The following PPP2R2C variants were observed in gnomAD, a reference collection of about 807,000 sequenced individuals.
PPP2R2C encodes the protein protein phosphatase 2, regulatory subunit B, gamma.
PPP2R2C carries 10 observed loss-of-function variants against 45.3 expected under a neutral mutation model. That is an observed-to-expected ratio of 0.22 (90% CI 0.14 to 0.37). The LOEUF (loss-of-function observed/expected upper bound fraction) is 0.37. Ranked by LOEUF, PPP2R2C falls within the 10% of genes least tolerant of loss-of-function variation. The pLI, the probability that PPP2R2C is intolerant of heterozygous loss-of-function variation, is 1.00. For synonymous variants in PPP2R2C, 257 were observed against 245.4 expected (o/e 1.05, Z -0.44); for missense variants, 308 against 619.7 (o/e 0.50, Z 5.34).
chr4:6,329,230 G>A lies in PPP2R2C; in HGVS notation c.1052+32C>T, dbSNP rs531753174. 345 of 1,593,216 alleles carry A rather than the reference G, an allele frequency of 2.2e-4. 4 individuals carry two copies. In the South Asian group the frequency reaches 3.5e-3, roughly 16 times the overall value. The stretch of plus-strand genomic sequence containing the variant: ...GCAGGGCAGAAACCCTCCCTACGGT[G>A]AGGTGAGGTGCGGGCTGAGGTCAGG... On this transcript the variant is annotated intron_variant, in intron 8 of 8. Coordinates refer to ENST00000382599, the MANE Select transcript of PPP2R2C (RefSeq NM_020416.4). The surrounding 1 kb of genome is among the most constrained non-coding windows in gnomAD (Gnocchi z 5.8).
chr4:6,407,262 T>A (rs2109360496), intron 1 of PPP2R2C, among the ~76,000 whole-genome samples: 1 of 152,320 alleles, frequency 6.6e-6, no homozygotes, highest in Non-Finnish European at 1.5e-5. Flanking sequence ...CCACATGGCC[T>A]TACAAGTGTG....
At chr4:6,508,642 G>A (rs1248168067) in intron 2 of PPP2R2C, among the ~76,000 whole-genome samples, 1 of 151,950 alleles carries the variant, frequency 6.6e-6, no homozygotes, top group African/African-American at 2.4e-5. Context: ...ATGACCAGCA[G>A]CTTCCTGACA....
rs1376620452 is a variant in PPP2R2C, at chr4:6,368,458, TA to T, written c.625+4064del. Among the ~76,000 whole-genome samples the T allele has an allele frequency of 6.6e-6, 1 of 152,164 alleles. No homozygotes were observed. The highest frequency in any genetic ancestry group is 1.5e-5 in the Non-Finnish European group (1 of 68,024). The stretch of plus-strand genomic sequence containing the variant: ...ATCACCCAAGAGGGCTGGCACACAG[TA>T]GGTGCTTAATAAATACCTGCTGGTA... On this transcript the variant is annotated intron_variant, in intron 5 of 8. Coordinates refer to ENST00000382599, the MANE Select transcript of PPP2R2C (RefSeq NM_020416.4). The surrounding 1 kb of genome is among the most constrained non-coding windows in gnomAD (Gnocchi z 4.2).
At chr4:6,342,125 CACAT>C (rs1225800735) in intron 6 of PPP2R2C, among the ~76,000 whole-genome samples, 83 of 115,004 alleles carry the variant, frequency 7.2e-4, no homozygotes, top group Middle Eastern at 4.4e-3. Context: ...CACACACACA[CACAT>C]ACATATATAT....
At chr4:6,530,904 C>T (rs1266828520) in intron 2 of PPP2R2C, among the ~76,000 whole-genome samples, 6 of 152,206 alleles carry the variant, frequency 3.9e-5, no homozygotes, top group East Asian at 1.9e-4. Context: ...GCACCTGTCA[C>T]AGTGAGGCCC....
chr4:6,529,365 G>T (rs1320005341), intron 2 of PPP2R2C, among the ~76,000 whole-genome samples: 1 of 152,228 alleles, frequency 6.6e-6, no homozygotes, highest in Non-Finnish European at 1.5e-5. Flanking sequence ...CACCTGAGCC[G>T]CCCACCTAAG....
Position 6,329,206 on chromosome 4 carries a change from C to A in PPP2R2C, c.1052+56G>T. On this transcript the variant is annotated intron_variant, in intron 8 of 8. Coordinates refer to ENST00000382599, the MANE Select transcript of PPP2R2C (RefSeq NM_020416.4). The surrounding 1 kb of genome is among the most constrained non-coding windows in gnomAD (Gnocchi z 5.8). ...ACCGGAATCCCAGCCCAGACCCCTG[C>A]AGGGCAGAAACCCTCCCTACGGTGA... The A allele has an allele frequency of 6.5e-7, 1 of 1,537,846 alleles. No individual in the cohort carries two copies. Among genetic ancestry groups the A allele is most frequent in the Non-Finnish European group, 9.0e-7 (1 of 1,115,628 alleles).
intron 6 of PPP2R2C, among the ~76,000 whole-genome samples, chr4:6,337,564 A>G (rs1733077153): frequency 6.6e-6 from 1 of 152,102 alleles, no homozygotes; most frequent in Non-Finnish European, 1.5e-5. Flanking sequence ...TCGCCTGCTC[A>G]GGGGTCTCTC....
intron 1 of PPP2R2C, among the ~76,000 whole-genome samples, chr4:6,396,835 T>C (rs185279812): frequency 7.2e-5 from 11 of 152,320 alleles, no homozygotes; most frequent in African/African-American, 2.2e-4. Flanking sequence ...GTGGCATGAA[T>C]ACTCAAGCCA....
intron 2 of PPP2R2C, among the ~76,000 whole-genome samples, chr4:6,494,081 C>T (rs1722798153): frequency 6.6e-6 from 1 of 152,210 alleles, no homozygotes; most frequent in Admixed American, 6.5e-5. Context: ...CCGCCTGAGT[C>T]TTTTGTGCTT....
chr4:6,558,645 A>G (rs1340343934), intron 1 of PPP2R2C, among the ~76,000 whole-genome samples: 2 of 152,166 alleles, frequency 1.3e-5, no homozygotes, highest in Non-Finnish European at 2.9e-5. Context: ...GAACTACACA[A>G]TGGAAGAGGC....
intron 2 of PPP2R2C, among the ~76,000 whole-genome samples, chr4:6,482,669 A>G (rs1475444889): frequency 3.9e-5 from 6 of 152,200 alleles, no homozygotes; most frequent in Admixed American, 1.3e-4. Context: ...TACGTAGACA[A>G]TTATGTCATC....
At chr4:6,371,167 CA>C (rs1292235906) in intron 5 of PPP2R2C, among the ~76,000 whole-genome samples, 3 of 152,210 alleles carry the variant, frequency 2.0e-5, no homozygotes, top group African/African-American at 7.2e-5. Context: ...CCCAGGGTCA[CA>C]AAGCTTGAAG....
rs146502825 is a variant in PPP2R2C at position 6,367,030 on chromosome 4, C to G, written c.625+5493G>C. ...TGGGGAGAGTAGAGAGGGCTGGGCA[C>G]CTCTTTCCATTCTGAGGGTGAGAGA... On this transcript the variant is annotated intron_variant, in intron 5 of 8. Coordinates refer to ENST00000382599, the MANE Select transcript of PPP2R2C (RefSeq NM_020416.4). Among the ~76,000 whole-genome samples the G allele has an allele frequency of 2.3e-3, 347 of 151,374 alleles. 1 individual carries two copies. Among genetic ancestry groups the G allele is most frequent in the African/African-American group, 8.1e-3 (333 of 40,872 alleles).
intron 1 of PPP2R2C, among the ~76,000 whole-genome samples, chr4:6,410,527 T>C (rs78030231): frequency 0.011 from 1,617 of 152,150 alleles, 35 homozygotes; most frequent in African/African-American, 0.036. Flanking sequence ...ATCAAAAAGA[T>C]GGGGATGGGC....
At chr4:6,511,504 A>G (rs796442822) in intron 2 of PPP2R2C, among the ~76,000 whole-genome samples, 49 of 9,596 alleles carry the variant, frequency 5.1e-3, no homozygotes, top group African/African-American at 9.0e-3. Context: ...GATGGCGGTG[A>G]TGGTGGTGGT....
chr4:6,357,667 A>G (rs1713331695), intron 5 of PPP2R2C, among the ~76,000 whole-genome samples: 1 of 152,160 alleles, frequency 6.6e-6, no homozygotes, highest in Admixed American at 6.5e-5. Flanking sequence ...GCAGCCCTGG[A>G]GGGACAGGTG....
At chr4:6,450,233 G>T (rs1720664915) in intron 1 of PPP2R2C, among the ~76,000 whole-genome samples, 1 of 152,118 alleles carries the variant, frequency 6.6e-6, no homozygotes, top group African/African-American at 2.4e-5. Flanking sequence ...GGAGTGGGGG[G>T]GTTCAGCACC....
At position 6,378,576 on chromosome 4, in the gene PPP2R2C, C is replaced by A; in HGVS notation, c.169-4G>T. ...GGCTGTGGGGCGCATTTTTACTCTG[C>A]AGGGAAACCCGGAGAAGGGGCCTGA... On this transcript the variant is annotated splice_region_variant and splice_polypyrimidine_tract_variant and intron_variant, in intron 2 of 8. Transcript: ENST00000382599. The surrounding 1 kb of genome is among the most constrained non-coding windows in gnomAD (Gnocchi z 5.2). 6.2e-7 allele frequency: 1 copy of A among 1,611,140 alleles called. No homozygotes were observed. The highest frequency in any genetic ancestry group is 8.5e-7 in the Non-Finnish European group (1 of 1,178,112).
Sources: gnomAD v4.1 joint callset for allele counts (sites outside exome capture counted in the v4.1 genomes callset) on GRCh38, gnomAD v4.1.1 for gene constraint, Gnocchi (gnomAD v3.1) non-coding constraint, MANE v1.5 for transcripts, NCBI Gene and HGNC (gene_info 2026-07-23, HGNC 2026-07-21) for gene names.